The following EPHB1 variants were observed in gnomAD, a reference collection of about 807,000 sequenced individuals.
EPHB1 encodes ephrin type-B receptor 1.
A neutral mutation model predicts 94.4 loss-of-function variants in EPHB1; 30 were observed. The ratio of observed to expected loss-of-function variants is 0.32; its 90% confidence interval spans 0.24 to 0.43. The LOEUF (loss-of-function observed/expected upper bound fraction) is 0.43, where lower values mean the gene tolerates loss of function less well. Ranked by LOEUF, EPHB1 falls within the 20% of genes least tolerant of loss-of-function variation. The pLI, the probability that EPHB1 is intolerant of heterozygous loss-of-function variation, is 1.00. For synonymous variants in EPHB1, 522 were observed against 489.1 expected (o/e 1.07, Z -0.89); for missense variants, 1,055 against 1,308.3 (o/e 0.81, Z 2.99).
intron 3 of EPHB1, among the ~76,000 whole-genome samples, chr3:135,103,480 G>A (rs1026919030): frequency 2.6e-5 from 4 of 152,206 alleles, no homozygotes; most frequent in African/African-American, 7.2e-5. Context: ...TGGGTAAGTT[G>A]GGATGGAGAG....
intron 1 of EPHB1, among the ~76,000 whole-genome samples, chr3:134,862,953 G>C (rs2037298679): frequency 6.6e-6 from 1 of 152,250 alleles, no homozygotes; most frequent in Non-Finnish European, 1.5e-5. Context: ...GCCATCCTCA[G>C]TGGTACGGCT....
intron 9 of EPHB1, among the ~76,000 whole-genome samples, chr3:135,172,650 G>A (rs1224589451): frequency 6.6e-6 from 1 of 152,224 alleles, no homozygotes; most frequent in Non-Finnish European, 1.5e-5. Flanking sequence ...GTGTGTCCCT[G>A]GAGGAGGGAG....
chr3:134,850,471 G>A (rs1375699888), intron 1 of EPHB1, among the ~76,000 whole-genome samples: 1 of 152,138 alleles, frequency 6.6e-6, no homozygotes. Context: ...TTGCCCCCTG[G>A]GAATTCTCTC....
chr3:134,861,298 T>C (rs2037253020), intron 1 of EPHB1, among the ~76,000 whole-genome samples: 1 of 152,136 alleles, frequency 6.6e-6, no homozygotes, highest in Non-Finnish European at 1.5e-5. Flanking sequence ...AGCAGCTGAG[T>C]ACATTACATC....
At chr3:135,076,004 T>C (rs148173020) in intron 3 of EPHB1, among the ~76,000 whole-genome samples, 451 of 152,186 alleles carry the variant, frequency 3.0e-3, no homozygotes, top group Middle Eastern at 0.01. Flanking sequence ...GCTGAAACAA[T>C]TGGATATCCA....
intron 3 of EPHB1, among the ~76,000 whole-genome samples, chr3:135,096,241 C>T (rs1366321039): frequency 6.6e-6 from 1 of 152,174 alleles, no homozygotes; most frequent in Non-Finnish European, 1.5e-5. Context: ...AGGAAGTCAC[C>T]TTAGCACCCC....
chr3:135,203,548 T>G (rs906306486), intron 12 of EPHB1, among the ~76,000 whole-genome samples: 1 of 152,208 alleles, frequency 6.6e-6, no homozygotes, highest in African/African-American at 2.4e-5. Flanking sequence ...ATGTAGATAA[T>G]TATATAACCA....
intron 1 of EPHB1, among the ~76,000 whole-genome samples, chr3:134,891,129 A>G (rs2037973827): frequency 6.6e-6 from 1 of 152,178 alleles, no homozygotes; most frequent in Non-Finnish European, 1.5e-5. Flanking sequence ...TTTTTAAGAC[A>G]GGGTCTTACT....
In EPHB1 at chr3:134,934,001, C is replaced by A. The variant is rs565482393; in HGVS notation, c.123+8121C>A. On this transcript the variant is annotated intron_variant, in intron 2 of 15. Coordinates refer to ENST00000398015, the MANE Select transcript of EPHB1 (RefSeq NM_004441.5). Reference sequence around the variant, plus strand: ...GACCTCCCTGTTCCCTCCCTCATACCCTCCCCTCCTATTCCCTCTTCAGGT... The same window carrying A: ...GACCTCCCTGTTCCCTCCCTCATACACTCCCCTCCTATTCCCTCTTCAGGT... Among the ~76,000 whole-genome samples, 3 of 152,212 alleles carry A rather than the reference C, an allele frequency of 2.0e-5. No individual in the cohort carries two copies. In the East Asian group the frequency reaches 5.8e-4, roughly 29 times the overall value.
chr3:135,216,174 G>A (rs952167596), intron 12 of EPHB1, among the ~76,000 whole-genome samples: 1 of 152,214 alleles, frequency 6.6e-6, no homozygotes, highest in South Asian at 2.1e-4. Context: ...GTCTGAGACC[G>A]AGGAGACAGC....
At chr3:135,039,801 C>T (rs1291216193) in intron 3 of EPHB1, among the ~76,000 whole-genome samples, 6 of 152,340 alleles carry the variant, frequency 3.9e-5, no homozygotes, top group East Asian at 1.9e-4. Flanking sequence ...GGTTCCCGCT[C>T]GTGCCTCTCC....
At position 134,795,706 on chromosome 3, in the gene EPHB1, G is replaced by T. The variant is rs756335477; in HGVS notation, c.58+17G>T. 1 of 1,607,772 alleles carries T rather than the reference G, an allele frequency of 6.2e-7. No homozygotes were observed. The highest frequency in any genetic ancestry group is 1.4e-5 in the African/African-American group (1 of 73,668). The stretch of plus-strand genomic sequence containing the variant: ...CGATGGAAGGTAACGTACCCTCCAC[G>T]GAGCAAGTTGGCTGCTGGTGCCGGC... On this transcript the variant is annotated intron_variant, in intron 1 of 15. Coordinates refer to ENST00000398015, the MANE Select transcript of EPHB1 (RefSeq NM_004441.5).
At chr3:135,106,232 G>C (rs1390559306) in intron 3 of EPHB1, among the ~76,000 whole-genome samples, 1 of 152,248 alleles carries the variant, frequency 6.6e-6, no homozygotes, top group African/African-American at 2.4e-5. Context: ...GTTCAAGTGA[G>C]AGAGGTCATT....
chr3:134,924,599 GA>G (rs1480152427), intron 1 of EPHB1, among the ~76,000 whole-genome samples: 15 of 152,100 alleles, frequency 9.9e-5, no homozygotes, highest in Non-Finnish European at 1.6e-4. Flanking sequence ...AAGTGTCAAT[GA>G]AAATATGGAG....
chr3:135,159,918 C>T (rs929436316), intron 6 of EPHB1, among the ~76,000 whole-genome samples: 2 of 152,220 alleles, frequency 1.3e-5, no homozygotes, highest in African/African-American at 4.8e-5. Context: ...ATGTTTAATT[C>T]TGTTCTCACT....
At chr3:135,153,112 C>T (rs1374329013) in intron 5 of EPHB1, among the ~76,000 whole-genome samples, 2 of 152,284 alleles carry the variant, frequency 1.3e-5, no homozygotes, top group East Asian at 1.9e-4. Context: ...CTTGTGACCC[C>T]GTAGTTGTGC....
chr3:134,854,922 A>G (rs1198768593), intron 1 of EPHB1, among the ~76,000 whole-genome samples: 1 of 149,590 alleles, frequency 6.7e-6, no homozygotes, highest in Non-Finnish European at 1.5e-5. Flanking sequence ...AAAGAAAAAA[A>G]TGAAGTGAAT....
intron 10 of EPHB1, among the ~76,000 whole-genome samples, chr3:135,186,163 A>G (rs568949961): frequency 6.6e-6 from 1 of 152,360 alleles, no homozygotes; most frequent in East Asian, 1.9e-4. Flanking sequence ...CAGTTGTTTA[A>G]CAACTATAAA....
chr3:134,850,315 C>G (rs2036954644), intron 1 of EPHB1, among the ~76,000 whole-genome samples: 1 of 152,250 alleles, frequency 6.6e-6, no homozygotes, highest in Admixed American at 6.5e-5. Flanking sequence ...TGTTCCACAT[C>G]AAAGCAGTAG....
Sources: gnomAD v4.1 joint callset for allele counts (sites outside exome capture counted in the v4.1 genomes callset) on GRCh38, gnomAD v4.1.1 for gene constraint, MANE v1.5 for transcripts, NCBI Gene and HGNC (gene_info 2026-07-23, HGNC 2026-07-21) for gene names.